Variants in PPP1R3E observed in about 807,000 individuals in gnomAD.
PPP1R3E encodes protein phosphatase 1, regulatory (inhibitor) subunit 3E.
Under a neutral mutation model 18.5 loss-of-function variants are expected in PPP1R3E, and 20 were observed. The ratio of observed to expected loss-of-function variants is 1.08; its 90% confidence interval spans 0.76 to 1.58. PPP1R3E has a LOEUF of 1.58. Among genes scored for constraint, PPP1R3E ranks in the 40% most tolerant of loss-of-function variants. The pLI is 0.00. For missense variants in PPP1R3E, 498 were observed against 460.2 expected, an observed-to-expected ratio of 1.08 and a Z score of -0.75; for synonymous variants, 208 against 208.1, an observed-to-expected ratio of 1.00 and a Z score of 0.00.
chr14:23,299,127 G>A (rs112047194), intron 4 of PPP1R3E, among the ~76,000 whole-genome samples: 4 of 152,174 alleles, frequency 2.6e-5, no homozygotes, highest in African/African-American at 7.2e-5. Context: ...CACCATGCCC[G>A]GCTAATTTTT....
chr14:23,301,397 C>T lies in PPP1R3E; in HGVS notation c.*39G>A, dbSNP rs1230095032. On this transcript the variant is annotated 3_prime_UTR_variant, in exon 2 of 5. Coordinates refer to ENST00000452015, the MANE Select transcript of PPP1R3E (RefSeq NM_001276318.2). Reference sequence around the variant, plus strand: ...CATCGGGTCGCCCCGCCCCCGGGTGCCTTTGGTGTTTTCCGCCGTCGGCCG... The same window carrying T: ...CATCGGGTCGCCCCGCCCCCGGGTGTCTTTGGTGTTTTCCGCCGTCGGCCG... The T allele has an allele frequency of 1.7e-5, 23 of 1,338,830 alleles. No homozygotes were observed. Among genetic ancestry groups the T allele is most frequent in the Non-Finnish European group, 2.2e-5 (23 of 1,042,364 alleles). 82.9% of individuals were successfully genotyped at this position (1,338,830 alleles called of 1,614,324 possible).
Position 23,301,610 on chromosome 14 carries a change from G to C in PPP1R3E, c.666C>G (p.Ala222=). ...CAATCGGCGGCGCGGGCAGGCGGAA[G>C]GCGAAGCGGTCGGCGCGCGGCGGGG... ...APPPPRADRF[A]FRLPAPPIGG... Residue 222 remains alanine, a synonymous_variant, in exon 2 of 5, where the codon GCC becomes GCG. Coordinates refer to ENST00000452015, the MANE Select transcript of PPP1R3E (RefSeq NM_001276318.2). 7.0e-7 allele frequency: 1 copy of C among 1,421,728 alleles called. No individual in the cohort carries two copies. The highest frequency in any genetic ancestry group is 9.2e-7 in the Non-Finnish European group (1 of 1,089,030). The allele number at this position is 1,421,728 out of a possible 1,614,324, so 88.1% of individuals were successfully genotyped here. A position where few individuals can be genotyped will look rare whatever the true frequency, so the allele number is the denominator to read the frequency against.
chr14:23,301,822 C>G lies in PPP1R3E; in HGVS notation c.454G>C (p.Gly152Arg), dbSNP rs1306865113. The change falls in exon 2 of 5, where the codon GGC (glycine) becomes CGC (arginine). Residue 152 changes from glycine to arginine, a missense_variant. Transcript: ENST00000452015. ...TGCGTCAGCAAGCGGGCGGCGAAGCCGGGCTCGCTGGCCGGCTCCAGGGCG... is the reference window on the plus strand; with the variant it reads ...TGCGTCAGCAAGCGGGCGGCGAAGCGGGGCTCGCTGGCCGGCTCCAGGGCG... ...RAALEPASEP[G>R]FAARLLTQRI... 6 of 1,471,022 alleles carry G rather than the reference C, an allele frequency of 4.1e-6. No individual in the cohort carries two copies. The highest frequency in any genetic ancestry group is 1.3e-5 in the South Asian group (1 of 77,324). The allele number at this position is 1,471,022 out of a possible 1,614,324, so 91.1% of individuals were successfully genotyped here.
rs3210447 is a variant in PPP1R3E, at chr14:23,299,520, G to T, written c.*267C>A. 6.5e-6 allele frequency: 1 copy of T among 152,750 alleles called. No homozygotes were observed. Among genetic ancestry groups the T allele is most frequent in the Admixed American group, 6.6e-5 (1 of 15,258 alleles). 9.5% of individuals were successfully genotyped at this position (152,750 alleles called of 1,614,324 possible). A position where few individuals can be genotyped will look rare whatever the true frequency, so the allele number is the denominator to read the frequency against. ...AGACCAACCATGGTCTTGGAGAAAA[G>T]AAAATAGGGTTTCCATCCCTTCTGG... On this transcript the variant is annotated 3_prime_UTR_variant, in exon 4 of 5. Transcript: ENST00000452015.
Position 23,301,635 on chromosome 14 carries a change from G to A in PPP1R3E, c.641C>T (p.Pro214Leu), listed in dbSNP as rs1347398447. The A allele has an allele frequency of 1.0e-5, 14 of 1,368,680 alleles. No individual in the cohort carries two copies. The highest frequency in any genetic ancestry group is 1.3e-5 in the Non-Finnish European group (14 of 1,064,156). 84.8% of individuals were successfully genotyped at this position (1,368,680 alleles called of 1,614,324 possible). Residue 214 changes from proline to leucine, a missense_variant, in exon 2 of 5, where the codon CCC becomes CTC. Physicochemically the swap from Pro to Leu is moderately conservative, Grantham distance 98. Coordinates refer to ENST00000452015, the MANE Select transcript of PPP1R3E (RefSeq NM_001276318.2). ...GGCGAAGCGGTCGGCGCGCGGCGGG[G>A]GCGGGGCCGGACCGGCGTAGGCGGC... ...APAAYAGPAP[P>L]PPRADRFAFR... is the part of the protein sequence containing the mutation.
At position 23,301,599 on chromosome 14, in the gene PPP1R3E, G is replaced by C. The variant is rs1887039555; in HGVS notation, c.677C>G (p.Pro226Arg). Residue 226 changes from proline (P) to arginine (R), a missense_variant, in exon 2 of 5, where the codon CCC becomes CGC. By Grantham distance (103) the Pro-to-Arg change is moderately radical. Transcript: ENST00000452015. ...PRADRFAFRL[P>R]APPIGGALLF... is the part of the protein sequence containing the mutation. ...CAGGGCGCCCCCAATCGGCGGCGCG[G>C]GCAGGCGGAAGGCGAAGCGGTCGGC... 1 of 1,438,938 alleles carries C rather than the reference G, an allele frequency of 6.9e-7. No homozygotes were observed. The highest frequency in any genetic ancestry group is 9.1e-7 in the Non-Finnish European group (1 of 1,096,974). The allele number at this position is 1,438,938 out of a possible 1,614,324, so 89.1% of individuals were successfully genotyped here.
At position 23,296,219 on chromosome 14, in the gene PPP1R3E, G is replaced by A. The variant is rs1180939407; in HGVS notation, c.*3085C>T. 2 of 152,240 alleles carry A rather than the reference G, an allele frequency of 1.3e-5. No individual in the cohort carries two copies. Among genetic ancestry groups the A allele is most frequent in the Non-Finnish European group, 2.9e-5 (2 of 68,060 alleles). The allele number at this position is 152,240 out of a possible 1,614,324, so 9.4% of individuals were successfully genotyped here. On this transcript the variant is annotated 3_prime_UTR_variant, in exon 5 of 5. Transcript: ENST00000452015. ...CATCAACAAAAGTGCCAAAGCTGAG[G>A]ACACAGAGAATACCATCATTGTCTT...
At position 23,302,499 on chromosome 14, in the gene PPP1R3E, G is replaced by A. The variant is rs1484625965; in HGVS notation, c.78C>T (p.Tyr26=). Residue 26 remains tyrosine, a synonymous_variant, in exon 1 of 5, where the codon TAC becomes TAT. Transcript: ENST00000452015. ...SFIAALTERA[Y]YRSQRPSLEE... ...CGAGGCTGGGCCGCTGGCTACGGTA[G>A]TAGGCGCGCTCCGTTAGCGCGGCGA... is the stretch of plus-strand genomic sequence containing the variant. 1 of 1,504,856 alleles carries A rather than the reference G, an allele frequency of 6.6e-7. No individual in the cohort carries two copies. Among genetic ancestry groups the A allele is most frequent in the African/African-American group, 1.4e-5 (1 of 69,314 alleles). The allele number at this position is 1,504,856 out of a possible 1,614,324, so 93.2% of individuals were successfully genotyped here.
chr14:23,302,006 A>AAAAGG, intron 1 of PPP1R3E, 148 bp from the exon 2 acceptor site: 1 of 1,245,252 alleles, frequency 8.0e-7, no homozygotes, highest in African/African-American at 1.6e-5. Context: ...AGGGTGGCCT[A>AAAAGG]GAGCCACTCG....
At position 23,297,169 on chromosome 14, in the gene PPP1R3E, T is replaced by C. The variant is rs1160738775; in HGVS notation, c.*2135A>G. ...TTATATTCCAAATTGCTCCTGTTCA[T>C]ATAGTCATGAGCCATCAGAGGAGTT... On this transcript the variant is annotated 3_prime_UTR_variant, in exon 5 of 5. Coordinates refer to ENST00000452015, the MANE Select transcript of PPP1R3E (RefSeq NM_001276318.2). 3 of 152,188 alleles carry C rather than the reference T, an allele frequency of 2.0e-5. No homozygotes were observed. The highest frequency in any genetic ancestry group is 4.8e-5 in the African/African-American group (2 of 41,440). The allele number at this position is 152,188 out of a possible 1,614,324, so 9.4% of individuals were successfully genotyped here.
chr14:23,301,588 T>C lies in PPP1R3E; in HGVS notation c.688A>G (p.Ile230Val), dbSNP rs1156684211. ...AAGGCGAAGAGCAGGGCGCCCCCAATCGGCGGCGCGGGCAGGCGGAAGGCG... is the reference window on the plus strand; with the variant it reads ...AAGGCGAAGAGCAGGGCGCCCCCAACCGGCGGCGCGGGCAGGCGGAAGGCG... ...RFAFRLPAPP[I>V]GGALLFALRY... The change falls in exon 2 of 5, where the codon ATT (isoleucine) becomes GTT (valine). Residue 230 changes from isoleucine (I) to valine (V), a missense_variant. Coordinates refer to ENST00000452015, the MANE Select transcript of PPP1R3E (RefSeq NM_001276318.2). 2.1e-6 allele frequency: 3 copies of C among 1,444,568 alleles called. No individual in the cohort carries two copies. The highest frequency in any genetic ancestry group is 3.0e-5 in the East Asian group (1 of 33,298). 89.5% of individuals were successfully genotyped at this position (1,444,568 alleles called of 1,614,324 possible).
chr14:23,301,959 C>G, intron 1 of PPP1R3E, 101 bp from the exon 2 acceptor site: 2 of 1,306,920 alleles, frequency 1.5e-6, no homozygotes, highest in Non-Finnish European at 2.0e-6. Context: ...AGAGGCCGAC[C>G]CCGGCGTCCA....
rs1461380700 is a variant in PPP1R3E, at chr14:23,302,354, G to C, written c.223C>G (p.Arg75Gly). 3.3e-6 allele frequency: 5 copies of C among 1,498,488 alleles called. No individual in the cohort carries two copies. The highest frequency in any genetic ancestry group is 4.4e-6 in the Non-Finnish European group (5 of 1,134,046). 92.8% of individuals were successfully genotyped at this position (1,498,488 alleles called of 1,614,324 possible). The change falls in exon 1 of 5, where the codon CGG (arginine) becomes GGG (glycine). Residue 75 changes from arginine to glycine, a missense_variant. Arg to Gly is a moderately radical substitution (Grantham distance 125). Coordinates refer to ENST00000452015, the MANE Select transcript of PPP1R3E (RefSeq NM_001276318.2). ...TCTGGGCTACGGCTGCGGGGCGCCC[G>C]GGCCCCGCCGCCTCCGGCTGGTGCA... is the stretch of plus-strand genomic sequence containing the variant. The part of the protein sequence containing the change: ...RSAPAGGGGA[R>G]APRSRSPDTR...
chr14:23,301,675 G>A lies in PPP1R3E; in HGVS notation c.601C>T (p.Gln201Ter), dbSNP rs1887044844. Residue 201 changes from glutamine (Q) to a stop codon, truncating the protein, a stop_gained, in exon 2 of 5, where the codon CAA becomes TAA. Transcript: ENST00000452015. LOFTEE classifies it high-confidence loss of function. ...GCGTAGGCGGCTGGCGCCTCGCGTTGGCTCCGCCAGCCGTCGGCGCTCCAG... is the reference window on the plus strand; with the variant it reads ...GCGTAGGCGGCTGGCGCCTCGCGTTAGCTCCGCCAGCCGTCGGCGCTCCAG... ...VRWSADGWRS[Q>*]REAPAAYAGP... The A allele has an allele frequency of 3.8e-6, 5 of 1,321,914 alleles. No individual in the cohort carries two copies. The highest frequency in any genetic ancestry group is 3.8e-6 in the Non-Finnish European group (4 of 1,040,014). 81.9% of individuals were successfully genotyped at this position (1,321,914 alleles called of 1,614,324 possible).
chr14:23,302,078 C>G (rs1273867544), intron 1 of PPP1R3E, 82 bp downstream of exon 1: 1 of 1,344,324 alleles, frequency 7.4e-7, no homozygotes, highest in African/African-American at 1.6e-5. Flanking sequence ...GAGATGGGTG[C>G]TCTTTGGCAA....
rs1040787155 is a variant in PPP1R3E at position 23,296,103 on chromosome 14, T to A, written c.*3201A>T. The A allele has an allele frequency of 6.6e-6, 1 of 152,036 alleles. No individual in the cohort carries two copies. Among genetic ancestry groups the A allele is most frequent in the Non-Finnish European group, 1.5e-5 (1 of 68,028 alleles). The allele number at this position is 152,036 out of a possible 1,614,324, so 9.4% of individuals were successfully genotyped here. A position where few individuals can be genotyped will look rare whatever the true frequency, so the allele number is the denominator to read the frequency against. ...GGTGACAACAATGGATTTGGGGAGATCCACAAAGGAAATTTTCATTTCCTC... is the reference window on the plus strand; with the variant it reads ...GGTGACAACAATGGATTTGGGGAGAACCACAAAGGAAATTTTCATTTCCTC... On this transcript the variant is annotated 3_prime_UTR_variant, in exon 5 of 5. Coordinates refer to ENST00000452015, the MANE Select transcript of PPP1R3E (RefSeq NM_001276318.2).
intron 1 of PPP1R3E, 100 bp from the exon 2 acceptor site, chr14:23,301,958 C>T: frequency 7.7e-7 from 1 of 1,305,616 alleles, no homozygotes; most frequent in African/African-American, 1.6e-5. Context: ...CAGAGGCCGA[C>T]CCCGGCGTCC....
rs1411307316 is a variant in PPP1R3E at position 23,302,223 on chromosome 14, G to A, written c.354C>T (p.Ile118=). 6.7e-7 allele frequency: 1 copy of A among 1,502,996 alleles called. No homozygotes were observed. Among genetic ancestry groups the A allele is most frequent in the Non-Finnish European group, 8.8e-7 (1 of 1,134,182 alleles). The allele number at this position is 1,502,996 out of a possible 1,614,324, so 93.1% of individuals were successfully genotyped here. A position where few individuals can be genotyped will look rare whatever the true frequency, so the allele number is the denominator to read the frequency against. The change falls in exon 1 of 5, where the codon ATC becomes ATT. Residue 118 remains isoleucine, a synonymous_variant. Coordinates refer to ENST00000452015, the MANE Select transcript of PPP1R3E (RefSeq NM_001276318.2). The stretch of plus-strand genomic sequence containing the variant: ...GGCGGAGGGCGTCCCTCTGCAATTG[G>A]ATCTGCACGTGGCGGGGCACCCGGG... ...ELPRVPRHVQ[I]QLQRDALRHF...
chr14:23,299,332 G>A (rs1886958435), intron 4 of PPP1R3E, 69 bp downstream of exon 4: 1 of 154,246 alleles, frequency 6.5e-6, no homozygotes, highest in Non-Finnish European at 1.5e-5. Context: ...TCAGTGATAA[G>A]GAAGAAGGGG....
Sources: gnomAD v4.1 joint callset for allele counts (sites outside exome capture counted in the v4.1 genomes callset) on GRCh38, gnomAD v4.1.1 for gene constraint, MANE v1.5 for transcripts, NCBI Gene and HGNC (gene_info 2026-07-23, HGNC 2026-07-21) for gene names.